Variants in CFAP46 observed in about 807,000 individuals in gnomAD.
The protein encoded by CFAP46 is cilia- and flagella-associated protein 46.
A neutral mutation model predicts 325.7 loss-of-function variants in CFAP46; 245 were observed. The observed-to-expected ratio is 0.75, with a 90% CI of 0.68 to 0.84. CFAP46 has a LOEUF of 0.84. CFAP46 is among the 40% of genes least tolerant of loss of function. The pLI is 0.00. For missense variants in CFAP46, 3,346 were observed against 3,543.0 expected, an observed-to-expected ratio of 0.94 and a Z score of 1.41; for synonymous variants, 1,523 against 1,495.9, an observed-to-expected ratio of 1.02 and a Z score of -0.42.
chr10:132,821,995 GTGTGTGCTGTGTGTGCTGA>G (rs1847853972), intron 50 of CFAP46, among the ~76,000 whole-genome samples: 5 of 131,938 alleles, frequency 3.8e-5, no homozygotes, highest in Admixed American at 7.2e-5. Context: ...GTGTGCGCTT[GTGTGTGCTGTGTGTGCTGA>G]TGTGTGCTGT....
In CFAP46 at chr10:132,879,555, C is replaced by T. The variant is rs1007293402; in HGVS notation, c.3876G>A (p.Leu1292=). ...GCGCCTCCAGCTGCCGCACGCTACG[C>T]AGCTGCTCCAAGGACACCGCCTCCT... ...EAEEAVSLEQ[L]RSVRQLEALA... The change falls in exon 29 of 58, where the codon CTG becomes CTA. Residue 1292 remains leucine, a synonymous_variant. Coordinates refer to ENST00000368586, the MANE Select transcript of CFAP46 (RefSeq NM_001200049.3). The T allele has an allele frequency of 5.8e-6, 9 of 1,547,534 alleles. No individual in the cohort carries two copies. The African/African-American group carries it at 1.2e-4, about 21-fold the overall frequency.
At chr10:132,852,052 G>T (rs1410566398) in intron 39 of CFAP46, among the ~76,000 whole-genome samples, 1 of 151,806 alleles carries the variant, frequency 6.6e-6, no homozygotes, top group East Asian at 1.9e-4. Flanking sequence ...CACAGACGTG[G>T]TATGTTCCTC....
chr10:132,837,642 C>T (rs1848280148), intron 44 of CFAP46, among the ~76,000 whole-genome samples: 2 of 146,334 alleles, frequency 1.4e-5, no homozygotes, highest in Non-Finnish European at 3.0e-5. Flanking sequence ...GACACACACG[C>T]ACACGTACAC....
intron 49 of CFAP46, 39 bp from the exon 50 acceptor site, chr10:132,833,564 C>T (rs755285434): frequency 2.9e-5 from 46 of 1,589,312 alleles, no homozygotes; most frequent in Admixed American, 6.8e-5. Context: ...CTCCTGAAGA[C>T]GGGACCCCTC....
intron 29 of CFAP46, among the ~76,000 whole-genome samples, chr10:132,878,312 AG>A (rs1848986656): frequency 1.3e-5 from 2 of 152,152 alleles, no homozygotes; most frequent in Admixed American, 6.5e-5. Context: ...CATGCCCGTG[AG>A]CCTGCTGGCT....
intron 50 of CFAP46, among the ~76,000 whole-genome samples, chr10:132,816,699 G>T (rs1378127788): frequency 1.3e-5 from 2 of 152,156 alleles, no homozygotes. Context: ...TCTGACGTTG[G>T]CATTTACATC....
intron 50 of CFAP46, among the ~76,000 whole-genome samples, chr10:132,820,948 G>GTGTGTGA: frequency 9.7e-6 from 1 of 103,464 alleles, no homozygotes; most frequent in Admixed American, 1.2e-4. Context: ...GATGTGTGCT[G>GTGTGTGA]TGTGTGCTGA....
chr10:132,922,612 T>C lies in CFAP46; in HGVS notation c.1353A>G (p.Lys451=). 3 of 1,549,648 alleles carry C rather than the reference T, an allele frequency of 1.9e-6. No individual in the cohort carries two copies. The highest frequency in any genetic ancestry group is 2.6e-6 in the Non-Finnish European group (3 of 1,146,854). The part of the protein sequence containing the change: ...RLEPATEHLR[K]AARLDSLGLY... ...GGCCCAGGCTGTCCAGGCGCGCGGCTTTCCGGAGGTGCTCCGTGGCGGGCT... is the reference window on the plus strand; with the variant it reads ...GGCCCAGGCTGTCCAGGCGCGCGGCCTTCCGGAGGTGCTCCGTGGCGGGCT... Residue 451 remains lysine, a synonymous_variant, in exon 12 of 58, where the codon AAA becomes AAG. Transcript: ENST00000368586.
chr10:132,881,170 T>C, intron 27 of CFAP46, 138 bp from the exon 28 acceptor site: 1 of 812,356 alleles, frequency 1.2e-6, no homozygotes, highest in Non-Finnish European at 1.9e-6. Flanking sequence ...GCAGGCCGCC[T>C]CTAATGAGAC....
In CFAP46 at chr10:132,916,584, C is replaced by T. The variant is rs1849642573; in HGVS notation, c.2085G>A (p.Glu695=). ...LSQHPAGYVP[E]PPEVNAEWIT... ...TCCACTCAGCATTCACCTCCGGGGG[C>T]TCAGGCACGTAGCCAGCTGGGTGCT... Residue 695 remains glutamate (E), a synonymous_variant, in exon 17 of 58, where the codon GAG becomes GAA. Coordinates refer to ENST00000368586, the MANE Select transcript of CFAP46 (RefSeq NM_001200049.3). 2 of 1,547,546 alleles carry T rather than the reference C, an allele frequency of 1.3e-6. No individual in the cohort carries two copies. Among genetic ancestry groups the T allele is most frequent in the African/African-American group, 1.4e-5 (1 of 72,784 alleles).
Position 132,850,348 on chromosome 10 carries a change from C to G in CFAP46, c.5848G>C (p.Glu1950Gln). Reference protein sequence around the residue: ...SLQPLSVGCVEIRARLLGLAG... With the variant: ...SLQPLSVGCVQIRARLLGLAG... ...AGGCCCAGGAGCCGGGCGCGGATCT[C>G]CACACAGCCCACGCTCAGCGGCTGC... The change falls in exon 41 of 58, where the codon GAG becomes CAG. Residue 1950 changes from glutamate to glutamine, a missense_variant. By Grantham distance (29) the Glu-to-Gln change is conservative (BLOSUM62 2). Transcript: ENST00000368586. 3 of 1,560,760 alleles carry G rather than the reference C, an allele frequency of 1.9e-6. No individual in the cohort carries two copies. Among genetic ancestry groups the G allele is most frequent in the Non-Finnish European group, 2.6e-6 (3 of 1,152,442 alleles).
chr10:132,890,920 C>T (rs1205532603), intron 25 of CFAP46, among the ~76,000 whole-genome samples: 1 of 152,212 alleles, frequency 6.6e-6, no homozygotes, highest in Non-Finnish European at 1.5e-5. Context: ...TTCTATTCCA[C>T]AGCATTTAAA....
intron 25 of CFAP46, among the ~76,000 whole-genome samples, chr10:132,891,130 A>C (rs1849247720): frequency 6.6e-6 from 1 of 152,232 alleles, no homozygotes. Flanking sequence ...CTGTGAGCAC[A>C]GCCTAGAGGC....
At chr10:132,892,101 A>G (rs1431149726) in intron 25 of CFAP46, among the ~76,000 whole-genome samples, 1 of 152,228 alleles carries the variant, frequency 6.6e-6, no homozygotes, top group East Asian at 1.9e-4. Context: ...GACAGTCAGA[A>G]GGTCCCGGCT....
intron 8 of CFAP46, among the ~76,000 whole-genome samples, chr10:132,932,496 A>C (rs1849927380): frequency 8.2e-6 from 1 of 121,482 alleles, no homozygotes; most frequent in Non-Finnish European, 1.7e-5. Context: ...CTTCACACAG[A>C]GGCTGAACCT....
chr10:132,857,918 A>C, intron 38 of CFAP46, 130 bp from the exon 39 acceptor site: 1 of 787,258 alleles, frequency 1.3e-6, no homozygotes. Context: ...CTAACATGTA[A>C]AGACATCCTC....
At chr10:132,941,873 G>T in intron 2 of CFAP46, 107 bp downstream of exon 2, 1 of 1,507,560 alleles carries the variant, frequency 6.6e-7, no homozygotes, top group East Asian at 2.5e-5. Flanking sequence ...TGACTGCCCG[G>T]CCAGGAGCTG....
At chr10:132,924,626 C>G in intron 11 of CFAP46, 70 bp downstream of exon 11, 1 of 1,361,202 alleles carries the variant, frequency 7.3e-7, no homozygotes, top group East Asian at 3.0e-5. Context: ...CTTGGGCCAC[C>G]TTCTCCTCCT....
chr10:132,918,391 A>G lies in CFAP46; in HGVS notation c.1986+2T>C. The G allele has an allele frequency of 1.3e-6, 2 of 1,531,974 alleles. No individual in the cohort carries two copies. Among genetic ancestry groups the G allele is most frequent in the South Asian group, 1.2e-5 (1 of 82,930 alleles). 94.9% of individuals were successfully genotyped at this position (1,531,974 alleles called of 1,614,324 possible). A position where few individuals can be genotyped will look rare whatever the true frequency, so the allele number is the denominator to read the frequency against. ...CGATGAACCCCCCTCTCCATGACGC[A>G]CCTCAGCATGGATGAACCCCACCTC... On this transcript the variant is annotated splice_donor_variant, in intron 16 of 57. Coordinates refer to ENST00000368586, the MANE Select transcript of CFAP46 (RefSeq NM_001200049.3). LOFTEE classifies it high-confidence loss of function.
Sources: allele counts gnomAD v4.1 joint callset (sites outside exome capture counted in the v4.1 genomes callset), GRCh38; gene constraint gnomAD v4.1.1; transcripts MANE v1.5; gene names NCBI Gene and HGNC (gene_info 2026-07-23, HGNC 2026-07-21).